Variants in TRDN observed in about 807,000 individuals in gnomAD.
The protein encoded by TRDN is triadin in skeletal muscle.
Under a neutral mutation model 149.7 loss-of-function variants are expected in TRDN, and 161 were observed. That is an observed-to-expected ratio of 1.08 (90% CI 0.95 to 1.23). TRDN has a LOEUF of 1.23. Among genes scored for constraint, TRDN ranks in the 50% most tolerant of loss-of-function variants. The probability of loss-of-function intolerance (pLI) is 0.00; values close to 1 mark genes in which losing one functional copy is unlikely to be tolerated. For synonymous variants in TRDN, 294 were observed against 250.5 expected (o/e 1.17, Z -1.64); for missense variants, 896 against 823.5 (o/e 1.09, Z -1.08).
At chr6:123,390,323 T>C (rs1355280770) in intron 13 of TRDN, among the ~76,000 whole-genome samples, 1 of 152,150 alleles carries the variant, frequency 6.6e-6, no homozygotes, top group Non-Finnish European at 1.5e-5. Context: ...TCTTGTTAAA[T>C]TACAACAAAT....
At chr6:123,582,916 T>C (rs192967427) in intron 1 of TRDN, among the ~76,000 whole-genome samples, 1 of 151,798 alleles carries the variant, frequency 6.6e-6, no homozygotes, top group Non-Finnish European at 1.5e-5. Flanking sequence ...GAAGATTTTG[T>C]GGTAAGGGGT....
intron 12 of TRDN, among the ~76,000 whole-genome samples, chr6:123,411,230 A>G (rs1400288558): frequency 1.3e-5 from 2 of 151,758 alleles, no homozygotes; most frequent in Non-Finnish European, 2.9e-5. Context: ...TATTTTTAGT[A>G]GAGACGAGCT....
intron 8 of TRDN, among the ~76,000 whole-genome samples, chr6:123,499,380 T>C (rs1240806869): frequency 2.6e-5 from 4 of 151,978 alleles, no homozygotes; most frequent in African/African-American, 7.2e-5. Flanking sequence ...TGAAATATTA[T>C]CAAAGTACAG....
At chr6:123,586,951 A>G (rs1783523305) in intron 1 of TRDN, among the ~76,000 whole-genome samples, 1 of 152,040 alleles carries the variant, frequency 6.6e-6, no homozygotes, top group Non-Finnish European at 1.5e-5. Context: ...GGGTACAGCG[A>G]TATAAGAGGT....
Position 123,375,289 on chromosome 6 carries a change from T to A in TRDN, c.1273+316A>T, listed in dbSNP as rs866658503. ...ACTGGTTTGATCAACTGATTAATCT[T>A]TAGGATAATTCAGTCTGATGTGTAC... On this transcript the variant is annotated intron_variant, in intron 19 of 40. Transcript: ENST00000334268. Among the ~76,000 whole-genome samples the A allele has an allele frequency of 1.5e-3, 230 of 152,234 alleles. 1 individual carries two copies. Among genetic ancestry groups the A allele is most frequent in the African/African-American group, 5.4e-3 (224 of 41,548 alleles).
In TRDN at chr6:123,539,877, T is replaced by C. The variant is rs185159398; in HGVS notation, c.424+7463A>G. 5.0e-4 allele frequency among the ~76,000 whole-genome samples: 76 copies of C among 152,328 alleles called. No individual in the cohort carries two copies. In the East Asian group the frequency reaches 9.3e-3, roughly 19 times the overall value. On this transcript the variant is annotated intron_variant, in intron 4 of 40. Transcript: ENST00000334268. ...ATAGCATTACTCTTTTGGGTTGCAA[T>C]GGCTCTCACTCTGATTGTGAGTTAG...
At chr6:123,583,708 G>A (rs978701765) in intron 1 of TRDN, among the ~76,000 whole-genome samples, 1 of 152,040 alleles carries the variant, frequency 6.6e-6, no homozygotes. Flanking sequence ...GGCCTTCTCA[G>A]ACCCTGTAGG....
At chr6:123,571,510 GT>G (rs891515066) in intron 1 of TRDN, among the ~76,000 whole-genome samples, 2 of 151,862 alleles carry the variant, frequency 1.3e-5, no homozygotes, top group African/African-American at 4.8e-5. Flanking sequence ...TTGTTTGTTT[GT>G]TTGTTTGTTT....
At chr6:123,621,302 A>C (rs1005642219) in intron 1 of TRDN, among the ~76,000 whole-genome samples, 6 of 152,102 alleles carry the variant, frequency 3.9e-5, no homozygotes, top group African/African-American at 1.4e-4. Flanking sequence ...TCTTCTAAAA[A>C]ACAGGACGTT....
chr6:123,454,201 G>C (rs1419026675), intron 10 of TRDN, among the ~76,000 whole-genome samples: 1 of 151,938 alleles, frequency 6.6e-6, no homozygotes, highest in Non-Finnish European at 1.5e-5. Context: ...GATGATGGGT[G>C]CACCAAAATC....
intron 1 of TRDN, among the ~76,000 whole-genome samples, chr6:123,609,374 ATATAAT>A (rs1784680917): frequency 6.6e-6 from 1 of 152,182 alleles, no homozygotes; most frequent in African/African-American, 2.4e-5. Flanking sequence ...TTGTAAAAAT[ATATAAT>A]TATAACATAC....
intron 12 of TRDN, among the ~76,000 whole-genome samples, chr6:123,430,496 T>G (rs866931998): frequency 4.0e-5 from 6 of 151,890 alleles, no homozygotes; most frequent in Admixed American, 2.0e-4. Context: ...GCAGGAGAAC[T>G]GCATGAACAC....
chr6:123,503,780 T>C lies in TRDN; in HGVS notation c.732A>G (p.Pro244=). The C allele has an allele frequency of 1.2e-6, 2 of 1,613,602 alleles. No individual in the cohort carries two copies. The highest frequency in any genetic ancestry group is 1.1e-5 in the South Asian group (1 of 91,060). Residue 244 remains proline (P), a synonymous_variant, in exon 8 of 41, where the codon CCA becomes CCG. Coordinates refer to ENST00000334268, the MANE Select transcript of TRDN (RefSeq NM_006073.4). ...TGTCCTCCTTTTCTTTGGGTTTTGA[T>C]GGTGTTTTCTGTACTTCTTTTACTT... ...AAKVKEVQKT[P]SKPKEKEDKE...
intron 5 of TRDN, 84 bp from the exon 6 acceptor site, chr6:123,516,290 A>G: frequency 7.7e-7 from 1 of 1,304,052 alleles, no homozygotes; most frequent in Non-Finnish European, 9.8e-7. Flanking sequence ...TGATGTCAAA[A>G]TTTATCTTCT....
At chr6:123,429,278 T>C (rs1276065476) in intron 12 of TRDN, 1 of 152,168 alleles carries the variant, frequency 6.6e-6, no homozygotes, top group East Asian at 1.9e-4. Context: ...AAAAAGTGGA[T>C]TATAATGGTT....
chr6:123,384,613 A>G (rs1329725057), intron 14 of TRDN, among the ~76,000 whole-genome samples: 1 of 152,206 alleles, frequency 6.6e-6, no homozygotes, highest in Non-Finnish European at 1.5e-5. Flanking sequence ...TAAAATTTTA[A>G]TCTGCCTTTC....
At chr6:123,456,848 T>C (rs555798329) in intron 10 of TRDN, 2 of 455,972 alleles carry the variant, frequency 4.4e-6, no homozygotes, top group East Asian at 1.4e-4. Flanking sequence ...TCTCACTCAT[T>C]CTAGAGAGGG....
At chr6:123,350,677 A>T (rs1780429491) in intron 21 of TRDN, 6 of 798,360 alleles carry the variant, frequency 7.5e-6, no homozygotes. Context: ...CTATCATAAA[A>T]ATATGCAAAA....
intron 1 of TRDN, among the ~76,000 whole-genome samples, chr6:123,575,090 G>A (rs1409489917): frequency 6.6e-6 from 1 of 151,402 alleles, no homozygotes; most frequent in African/African-American, 2.4e-5. Context: ...AATTAATACT[G>A]TTATGTTTTT....
Sources: allele counts gnomAD v4.1 joint callset (sites outside exome capture counted in the v4.1 genomes callset), GRCh38; gene constraint gnomAD v4.1.1; transcripts MANE v1.5; gene names NCBI Gene and HGNC (gene_info 2026-07-23, HGNC 2026-07-21).